The following CPA6 variants were observed in gnomAD, a reference collection of about 807,000 sequenced individuals.
CPA6 encodes the protein carboxypeptidase B.
CPA6 carries 58 observed loss-of-function variants against 63.3 expected under a neutral mutation model. The ratio of observed to expected loss-of-function variants is 0.92; its 90% confidence interval spans 0.74 to 1.14. CPA6 has a LOEUF of 1.14. Among genes scored for constraint, CPA6 ranks in the 50% most tolerant of loss-of-function variants. The probability of loss-of-function intolerance (pLI) is 0.00; values close to 1 mark genes in which losing one functional copy is unlikely to be tolerated. For synonymous variants in CPA6, 185 were observed against 179.0 expected (o/e 1.03, Z -0.27); for missense variants, 565 against 526.6 (o/e 1.07, Z -0.71).
chr8:67,427,491 C>A (rs893396216), intron 10 of CPA6, among the ~76,000 whole-genome samples: 1 of 152,092 alleles, frequency 6.6e-6, no homozygotes, highest in Admixed American at 6.5e-5. Flanking sequence ...AGCTGAAGAA[C>A]CTACGTGGAG....
intron 6 of CPA6, among the ~76,000 whole-genome samples, chr8:67,491,252 G>A (rs1811599852): frequency 6.9e-6 from 1 of 144,584 alleles, no homozygotes; most frequent in Non-Finnish European, 1.5e-5. Flanking sequence ...TCAAAGGGGA[G>A]CTTAATCTAT....
chr8:67,494,428 C>T (rs1033096159), intron 6 of CPA6, among the ~76,000 whole-genome samples: 10 of 152,018 alleles, frequency 6.6e-5, no homozygotes, highest in African/African-American at 1.4e-4. Flanking sequence ...TTCATCCCAG[C>T]GATGTAGAAT....
chr8:67,605,117 G>A (rs539537205), intron 2 of CPA6, among the ~76,000 whole-genome samples: 1 of 147,822 alleles, frequency 6.8e-6, no homozygotes, highest in Non-Finnish European at 1.5e-5. Context: ...TGCTCTGGAT[G>A]ACCTAATAAC....
At chr8:67,705,522 C>T (rs1422710772) in intron 1 of CPA6, among the ~76,000 whole-genome samples, 1 of 152,184 alleles carries the variant, frequency 6.6e-6, no homozygotes, top group African/African-American at 2.4e-5. Context: ...ATTTAAGGGA[C>T]CAATTACCAT....
intron 2 of CPA6, among the ~76,000 whole-genome samples, chr8:67,520,737 C>T (rs975415387): frequency 7.9e-5 from 12 of 152,184 alleles, no homozygotes; most frequent in African/African-American, 2.4e-4. Context: ...AAGTCACTTT[C>T]CCAAGGTTGC....
At chr8:67,682,724 C>T (rs1417765513) in intron 1 of CPA6, among the ~76,000 whole-genome samples, 1 of 152,188 alleles carries the variant, frequency 6.6e-6, no homozygotes, top group Non-Finnish European at 1.5e-5. Context: ...TTAGAGCAGC[C>T]TGTTTTCTAC....
chr8:67,583,981 C>A (rs1426166237), intron 2 of CPA6, among the ~76,000 whole-genome samples: 1 of 151,898 alleles, frequency 6.6e-6, no homozygotes, highest in Non-Finnish European at 1.5e-5. Flanking sequence ...CATGGTGAAT[C>A]CCCGTCTCTA....
chr8:67,529,049 C>G (rs1300352266), intron 2 of CPA6, among the ~76,000 whole-genome samples: 1 of 151,634 alleles, frequency 6.6e-6, no homozygotes, highest in Non-Finnish European at 1.5e-5. Context: ...TTATTTGACC[C>G]TACAAGAGCA....
intron 1 of CPA6, among the ~76,000 whole-genome samples, chr8:67,680,721 CT>C (rs575107628): frequency 3.9e-5 from 6 of 152,274 alleles, no homozygotes; most frequent in African/African-American, 1.4e-4. Flanking sequence ...AGGAACATGT[CT>C]AATACTCAGT....
intron 2 of CPA6, among the ~76,000 whole-genome samples, chr8:67,598,323 T>C (rs1416016925): frequency 1.3e-5 from 2 of 152,184 alleles, no homozygotes; most frequent in African/African-American, 4.8e-5. Context: ...TTAAAGAAAA[T>C]ATTTATTTTT....
intron 2 of CPA6, among the ~76,000 whole-genome samples, chr8:67,526,058 C>T (rs1024599265): frequency 4.6e-5 from 7 of 152,136 alleles, no homozygotes; most frequent in Admixed American, 3.9e-4. Context: ...TAGCTTGTTG[C>T]AACAAGTGGG....
intron 8 of CPA6, among the ~76,000 whole-genome samples, chr8:67,479,890 C>A (rs1250346177): frequency 6.6e-6 from 1 of 151,990 alleles, no homozygotes; most frequent in South Asian, 2.1e-4. Context: ...TGGCTGAAAA[C>A]CCCCAATTTG....
At chr8:67,741,604 C>G (rs1817914057) in intron 1 of CPA6, among the ~76,000 whole-genome samples, 1 of 152,174 alleles carries the variant, frequency 6.6e-6, no homozygotes, top group South Asian at 2.1e-4. Flanking sequence ...TCATCAGTAG[C>G]ATTAGATTCT....
At chr8:67,738,387 G>A (rs1817853528) in intron 1 of CPA6, among the ~76,000 whole-genome samples, 1 of 152,196 alleles carries the variant, frequency 6.6e-6, no homozygotes, top group Non-Finnish European at 1.5e-5. Flanking sequence ...GAAGTTGAAT[G>A]TTGAGCATGG....
chr8:67,653,708 T>G (rs1250041482), intron 1 of CPA6, among the ~76,000 whole-genome samples: 1 of 152,150 alleles, frequency 6.6e-6, no homozygotes, highest in Non-Finnish European at 1.5e-5. Context: ...TTTGACTTCC[T>G]CTTTTCCTAA....
chr8:67,609,382 T>G (rs541471393), intron 2 of CPA6, among the ~76,000 whole-genome samples: 1 of 152,330 alleles, frequency 6.6e-6, no homozygotes, highest in South Asian at 2.1e-4. Flanking sequence ...TGGCTCATGT[T>G]TCTTATATTC....
chr8:67,620,984 T>A (rs1179536712), intron 2 of CPA6, among the ~76,000 whole-genome samples: 1 of 152,254 alleles, frequency 6.6e-6, no homozygotes, highest in African/African-American at 2.4e-5. Context: ...TAGTTCATGC[T>A]GAACACTTAC....
At chr8:67,593,059 T>C (rs1241071101) in intron 2 of CPA6, among the ~76,000 whole-genome samples, 4 of 150,262 alleles carry the variant, frequency 2.7e-5, no homozygotes, top group African/African-American at 4.9e-5. Context: ...GCTTTGAATG[T>C]GTCCCAGAGA....
rs1587542916 is a variant in CPA6, at chr8:67,544,878, G to A, written c.193-26831C>T. ...TTTCACTTAATGATATACATGGGGA[G>A]TCTTCTGCCCTTTTTCATCCTAGAA... On this transcript the variant is annotated intron_variant, in intron 2 of 10. Coordinates refer to ENST00000297770, the MANE Select transcript of CPA6 (RefSeq NM_020361.5). 2.6e-5 allele frequency among the ~76,000 whole-genome samples: 4 copies of A among 152,238 alleles called. No homozygotes were observed. In the South Asian group the frequency reaches 6.2e-4, roughly 24 times the overall value.
Sources: gnomAD v4.1 joint callset for allele counts (sites outside exome capture counted in the v4.1 genomes callset) on GRCh38, gnomAD v4.1.1 for gene constraint, MANE v1.5 for transcripts, NCBI Gene and HGNC (gene_info 2026-07-23, HGNC 2026-07-21) for gene names.